SLCO1A2: variants seen among roughly 807,000 people sequenced by gnomAD.
The protein encoded by SLCO1A2 is solute carrier organic anion transporter family member 1A2.
In SLCO1A2, 67 loss-of-function variants were observed where a neutral mutation model predicts 69.0. The ratio of observed to expected loss-of-function variants is 0.97; its 90% CI spans 0.80 to 1.19. The LOEUF is 1.19. Among genes scored for constraint, SLCO1A2 ranks in the 50% most tolerant of loss-of-function variants. The pLI, the probability that SLCO1A2 is intolerant of heterozygous loss-of-function variation, is 0.00. For missense variants in SLCO1A2, 787 were observed against 793.7 expected, an observed-to-expected ratio of 0.99 and a Z score of 0.10; for synonymous variants, 260 against 265.9, an observed-to-expected ratio of 0.98 and a Z score of 0.22.
chr12:21,319,394 T>G, intron 2 of SLCO1A2: 1 of 1,368,008 alleles, frequency 7.3e-7, no homozygotes, highest in Non-Finnish European at 9.8e-7. Context: ...CACTCTTTCC[T>G]GTTCTTGCTT....
At chr12:21,391,109 C>T (rs1941130342) in intron 1 of SLCO1A2, among the ~76,000 whole-genome samples, 1 of 152,154 alleles carries the variant, frequency 6.6e-6, no homozygotes, top group East Asian at 1.9e-4. Context: ...AATGTAACAA[C>T]ATATCACAGC....
chr12:21,279,115 A>T (rs996497996), intron 12 of SLCO1A2, among the ~76,000 whole-genome samples: 1 of 152,032 alleles, frequency 6.6e-6, no homozygotes, highest in Non-Finnish European at 1.5e-5. Flanking sequence ...CAGAAGAGAG[A>T]TTTAGTGAGC....
rs1349376864 is a variant in SLCO1A2 at position 21,265,573 on chromosome 12, C to G, written c.*3975G>C. The G allele has an allele frequency of 2.0e-5, 3 of 152,184 alleles. No homozygotes were observed. Among genetic ancestry groups the G allele is most frequent in the African/African-American group, 7.2e-5 (3 of 41,442 alleles). 9.4% of individuals were successfully genotyped at this position (152,184 alleles called of 1,614,324 possible). A position where few individuals can be genotyped will look rare whatever the true frequency, so the allele number is the denominator to read the frequency against. ...AAACTTTTAAACACTGGTGTAGTTT[C>G]TCCATGTTGGGAAGGCTTAGGGGTT... On this transcript the variant is annotated 3_prime_UTR_variant, in exon 15 of 15. Transcript: ENST00000683939.
intron 2 of SLCO1A2, among the ~76,000 whole-genome samples, chr12:21,329,282 C>A (rs1035727652): frequency 5.9e-5 from 9 of 152,078 alleles, no homozygotes; most frequent in Admixed American, 2.0e-4. Context: ...TGGTTTTGCC[C>A]TTCCCACATA....
At chr12:21,336,244 C>T (rs574403968), upstream of SLCO1A2, among the ~76,000 whole-genome samples, 2 of 152,112 alleles carry the variant, frequency 1.3e-5, no homozygotes, top group Non-Finnish European at 2.9e-5. Flanking sequence ...AAATTGCCTT[C>T]ACTCTTCTTT....
intron 2 of SLCO1A2, among the ~76,000 whole-genome samples, chr12:21,344,594 C>A (rs1953192877): frequency 2.0e-5 from 3 of 151,996 alleles, no homozygotes; most frequent in Non-Finnish European, 4.4e-5. Flanking sequence ...CAAAGAGGCA[C>A]ATATATGTAG....
In SLCO1A2 at chr12:21,267,008, A is replaced by G. The variant is rs1942139712; in HGVS notation, c.*2540T>C. On this transcript the variant is annotated 3_prime_UTR_variant, in exon 15 of 15. Transcript: ENST00000683939. ...ACCTGTTCTCTTGTTTCTCTTCTCCATGTCTGTCCGCTATGCCATTATCTC... is the reference window on the plus strand; with the variant it reads ...ACCTGTTCTCTTGTTTCTCTTCTCCGTGTCTGTCCGCTATGCCATTATCTC... 6.6e-6 allele frequency: 1 copy of G among 151,990 alleles called. No individual in the cohort carries two copies. Among genetic ancestry groups the G allele is most frequent in the African/African-American group, 2.4e-5 (1 of 41,380 alleles). The allele number at this position is 151,990 out of a possible 1,614,324, so 9.4% of individuals were successfully genotyped here.
intron 2 of SLCO1A2, among the ~76,000 whole-genome samples, chr12:21,360,442 T>A (rs1938748515): frequency 6.6e-6 from 1 of 152,204 alleles, no homozygotes; most frequent in Non-Finnish European, 1.5e-5. Flanking sequence ...GGCACCAAGA[T>A]GGCCGAATAG....
At chr12:21,271,479 T>G (rs569911977) in intron 14 of SLCO1A2, among the ~76,000 whole-genome samples, 1 of 151,550 alleles carries the variant, frequency 6.6e-6, no homozygotes, top group Non-Finnish European at 1.5e-5. Context: ...TATATCAATA[T>G]GTAAATTTTT....
chr12:21,319,139 G>A (rs1001271413), intron 2 of SLCO1A2, among the ~76,000 whole-genome samples: 2 of 152,170 alleles, frequency 1.3e-5, no homozygotes, highest in African/African-American at 4.8e-5. Context: ...GTAGGCAGTT[G>A]CAGCCTCAAT....
At chr12:21,414,082 A>G (rs1375826209) in intron 1 of SLCO1A2, among the ~76,000 whole-genome samples, 1 of 88,604 alleles carries the variant, frequency 1.1e-5, no homozygotes, top group Non-Finnish European at 2.6e-5. Context: ...TATAAGCACT[A>G]AGAAAACTAA....
chr12:21,366,709 T>C (rs535083328), intron 2 of SLCO1A2, among the ~76,000 whole-genome samples: 65 of 151,996 alleles, frequency 4.3e-4, no homozygotes, highest in African/African-American at 1.4e-3. Flanking sequence ...ATTACATCAA[T>C]GAAACAAAAG....
chr12:21,360,772 C>T (rs1389056789), intron 2 of SLCO1A2, among the ~76,000 whole-genome samples: 5 of 152,302 alleles, frequency 3.3e-5, no homozygotes, highest in South Asian at 2.1e-4. Context: ...CCCACACCCA[C>T]GGAGGCTCGC....
At chr12:21,274,676 C>CAA (rs1184217599) in intron 13 of SLCO1A2, 90 bp from the exon 14 acceptor site, 2 of 887,682 alleles carry the variant, frequency 2.3e-6, no homozygotes, top group Non-Finnish European at 3.6e-6. Context: ...ATTTGTACGG[C>CAA]AAAGTTTATC....
At chr12:21,286,992 A>T (rs943808793) in intron 12 of SLCO1A2, among the ~76,000 whole-genome samples, 1 of 147,040 alleles carries the variant, frequency 6.8e-6, no homozygotes, top group South Asian at 2.2e-4. Flanking sequence ...ATGGCAACAA[A>T]AGCCAAAATT....
intron 12 of SLCO1A2, among the ~76,000 whole-genome samples, chr12:21,282,430 G>A (rs1388123951): frequency 6.6e-6 from 1 of 151,898 alleles, no homozygotes; most frequent in Non-Finnish European, 1.5e-5. Context: ...GGTATAAAAG[G>A]AACATGGCTC....
chr12:21,377,492 G>C (rs868258212), intron 1 of SLCO1A2, among the ~76,000 whole-genome samples: 3 of 152,060 alleles, frequency 2.0e-5, no homozygotes, highest in Non-Finnish European at 4.4e-5. Flanking sequence ...AAAATGTTGG[G>C]CAGCAGATCT....
At chr12:21,291,403 A>G (rs1946823925) in intron 12 of SLCO1A2, among the ~76,000 whole-genome samples, 1 of 152,216 alleles carries the variant, frequency 6.6e-6, no homozygotes, top group Non-Finnish European at 1.5e-5. Context: ...GAATAGAAAT[A>G]AATAAATAAA....
intron 1 of SLCO1A2, chr12:21,417,843 A>T (rs544944614): frequency 1.6e-4 from 24 of 152,128 alleles, no homozygotes; most frequent in African/African-American, 5.8e-4. Flanking sequence ...ATTAAAATGT[A>T]AGGAGAGTCA....
Sources: gnomAD v4.1 joint callset for allele counts (sites outside exome capture counted in the v4.1 genomes callset) on GRCh38, gnomAD v4.1.1 for gene constraint, MANE v1.5 for transcripts, NCBI Gene and HGNC (gene_info 2026-07-23, HGNC 2026-07-21) for gene names.